OR11L1: variants seen among roughly 807,000 people sequenced by gnomAD.
The protein encoded by OR11L1 is olfactory receptor family 11 subfamily L member 1.
For synonymous variants in OR11L1, 164 were observed against 159.1 expected (o/e 1.03, Z -0.23); for missense variants, 397 against 392.7 (o/e 1.01, Z -0.09).
rs372016660 is a variant in OR11L1, at chr1:247,841,707, G to T, written c.190C>A (p.Gln64Lys). 3 of 1,614,034 alleles carry T rather than the reference G, an allele frequency of 1.9e-6. No individual in the cohort carries two copies. In the African/African-American group the frequency reaches 4.0e-5, roughly 22 times the overall value. The change falls in exon 1 of 1, where the codon CAG becomes AAG. Residue 64 changes from glutamine to lysine, a missense_variant. By Grantham distance (53) the Gln-to-Lys change is moderately conservative. Coordinates refer to ENST00000355784, the MANE Select transcript of OR11L1 (RefSeq NM_001001959.1). ...RLHSPMYMFLQHLSFLEVWYT... is the reference protein window; with the variant it reads ...RLHSPMYMFLKHLSFLEVWYT... ...CAGACCTCCAGAAAGGAGAGATGCT[G>T]GAGGAACATGTACATAGGGGAGTGC...
rs760316344 is a variant in OR11L1, at chr1:247,841,493, A to C, written c.404T>G (p.Leu135Arg). Reference sequence around the variant, plus strand: ...CCTGGCACAGAGCCCACGATGCATGAGGAAGGGGTAGCGGAGTGGGCTGCA... The same window carrying C: ...CCTGGCACAGAGCCCACGATGCATGCGGAAGGGGTAGCGGAGTGGGCTGCA... ...AICSPLRYPFLMHRGLCARLV... is the reference protein window; with the variant it reads ...AICSPLRYPFRMHRGLCARLV... The change falls in exon 1 of 1, where the codon CTC becomes CGC. Residue 135 changes from leucine to arginine, a missense_variant. Leu to Arg is a moderately radical substitution (Grantham distance 102). Coordinates refer to ENST00000355784, the MANE Select transcript of OR11L1 (RefSeq NM_001001959.1). The C allele has an allele frequency of 6.2e-7, 1 of 1,614,174 alleles. No individual in the cohort carries two copies. The highest frequency in any genetic ancestry group is 8.5e-7 in the Non-Finnish European group (1 of 1,180,020).
At position 247,841,666 on chromosome 1, in the gene OR11L1, A is replaced by G. The variant is rs773572668; in HGVS notation, c.231T>C (p.Thr77=). 1.9e-6 allele frequency: 3 copies of G among 1,614,098 alleles called. No individual in the cohort carries two copies. In the African/African-American group the frequency reaches 4.0e-5, roughly 22 times the overall value. ...GCAGGTTGGCTAGGAGAAGGGGCAC[A>G]GTGGTGGACGTGTACCAGACCTCCA... ...SFLEVWYTST[T]VPLLLANLLS... Residue 77 remains threonine, a synonymous_variant, in exon 1 of 1, where the codon ACT becomes ACC. Coordinates refer to ENST00000355784, the MANE Select transcript of OR11L1 (RefSeq NM_001001959.1).
chr1:247,841,649 G>T lies in OR11L1; in HGVS notation c.248C>A (p.Ala83Asp). 1.2e-6 allele frequency: 2 copies of T among 1,614,202 alleles called. No individual in the cohort carries two copies. Among genetic ancestry groups the T allele is most frequent in the South Asian group, 2.2e-5 (2 of 91,082 alleles). ...YTSTTVPLLL[A>D]NLLSWGQAIS... ...GGCTTGGCCCCAGGACAGCAGGTTGGCTAGGAGAAGGGGCACAGTGGTGGA... is the reference window on the plus strand; with the variant it reads ...GGCTTGGCCCCAGGACAGCAGGTTGTCTAGGAGAAGGGGCACAGTGGTGGA... Residue 83 changes from alanine to aspartate, a missense_variant, in exon 1 of 1, where the codon GCC (alanine) becomes GAC (aspartate). Coordinates refer to ENST00000355784, the MANE Select transcript of OR11L1 (RefSeq NM_001001959.1).
rs1333819262 is a variant in OR11L1, at chr1:247,841,823, G to T, written c.74C>A (p.Ala25Asp). ...GAGCAGGAAAATGACAAAGAGCAGG[G>T]CCTGCCATTCAAGAAGGTTCTGGAA... Reference protein sequence around the residue: ...LGFQNLLEWQALLFVIFLLIY... With the variant: ...LGFQNLLEWQDLLFVIFLLIY... The change falls in exon 1 of 1, where the codon GCC becomes GAC. Residue 25 changes from alanine to aspartate, a missense_variant. Physicochemically the swap from Ala to Asp is moderately radical, Grantham distance 126. Coordinates refer to ENST00000355784, the MANE Select transcript of OR11L1 (RefSeq NM_001001959.1). 6.8e-6 allele frequency: 11 copies of T among 1,614,060 alleles called. No individual in the cohort carries two copies. In the South Asian group the frequency reaches 1.2e-4, roughly 18 times the overall value.
Position 247,841,648 on chromosome 1 carries a change from G to C in OR11L1, c.249C>G (p.Ala83=), listed in dbSNP as rs776326855. The C allele has an allele frequency of 1.2e-6, 2 of 1,614,084 alleles. No homozygotes were observed. The highest frequency in any genetic ancestry group is 1.7e-6 in the Non-Finnish European group (2 of 1,180,038). Residue 83 remains alanine, a synonymous_variant, in exon 1 of 1, where the codon GCC becomes GCG. Coordinates refer to ENST00000355784, the MANE Select transcript of OR11L1 (RefSeq NM_001001959.1). ...YTSTTVPLLL[A]NLLSWGQAIS... ...TGGCTTGGCCCCAGGACAGCAGGTTGGCTAGGAGAAGGGGCACAGTGGTGG... is the reference window on the plus strand; with the variant it reads ...TGGCTTGGCCCCAGGACAGCAGGTTCGCTAGGAGAAGGGGCACAGTGGTGG...
rs1013478261 is a variant in OR11L1, at chr1:247,841,180, G to T, written c.717C>A (p.Ser239=). The change falls in exon 1 of 1, where the codon TCC becomes TCA. Residue 239 remains serine (S), a synonymous_variant. Transcript: ENST00000355784. ...CAACAGCCAGGTGGGAGCCACATGT[G>T]GAAAAGGTCTTTCTCCGGCCAGAGG... ...PSTSGRRKTF[S]TCGSHLAVVT... The T allele has an allele frequency of 8.1e-6, 13 of 1,614,160 alleles. No individual in the cohort carries two copies. Among genetic ancestry groups the T allele is most frequent in the Non-Finnish European group, 1.1e-5 (13 of 1,180,038 alleles).
rs755189929 is a variant in OR11L1, at chr1:247,841,530, A to C, written c.367T>G (p.Tyr123Asp). 1 of 1,614,084 alleles carries C rather than the reference A, an allele frequency of 6.2e-7. No individual in the cohort carries two copies. Among genetic ancestry groups the C allele is most frequent in the South Asian group, 1.1e-5 (1 of 91,072 alleles). ...CGGAGTGGGCTGCAGATGGCCAGGT[A>C]ACGGTCATAGGCCATGAAGGCCAGG... is the stretch of plus-strand genomic sequence containing the variant. Reference protein sequence around the residue: ...FLLAFMAYDRYLAICSPLRYP... With the variant: ...FLLAFMAYDRDLAICSPLRYP... The change falls in exon 1 of 1, where the codon TAC becomes GAC. Residue 123 changes from tyrosine to aspartate, a missense_variant. Tyr to Asp is a radical substitution (Grantham distance 160). Transcript: ENST00000355784.
rs570469821 is a variant in OR11L1 at position 247,841,865 on chromosome 1, T to A, written c.32A>T (p.Asn11Ile). MEPQNTSTVT[N>I]FQLLGFQNLL... ...GTTCTGGAATCCTAACAGCTGAAAG[T>A]TAGTCACAGTGGAGGTATTTTGGGG... The change falls in exon 1 of 1, where the codon AAC becomes ATC. Residue 11 changes from asparagine (N) to isoleucine (I), a missense_variant. Coordinates refer to ENST00000355784, the MANE Select transcript of OR11L1 (RefSeq NM_001001959.1). 4.3e-6 allele frequency: 7 copies of A among 1,613,614 alleles called. No individual in the cohort carries two copies. The South Asian group carries it at 7.7e-5, about 18-fold the overall frequency.
chr1:247,840,956 C>T lies in OR11L1; in HGVS notation c.941G>A (p.Ser314Asn). 1 of 1,612,800 alleles carries T rather than the reference C, an allele frequency of 6.2e-7. No homozygotes were observed. Among genetic ancestry groups the T allele is most frequent in the Non-Finnish European group, 8.5e-7 (1 of 1,179,152 alleles). The stretch of plus-strand genomic sequence containing the variant: ...ATAAAGGAACTTCCTTTTACTTGTA[C>T]TCCATAGAATACCACATTTCCTTCT... ...VMRRKCGILW[S>N]TSKRKFLY The change falls in exon 1 of 1, where the codon AGT becomes AAT. Residue 314 changes from serine to asparagine, a missense_variant. Ser to Asn is a conservative substitution (Grantham distance 46). Coordinates refer to ENST00000355784, the MANE Select transcript of OR11L1 (RefSeq NM_001001959.1).
rs373451280 is a variant in OR11L1, at chr1:247,841,771, A to T, written c.126T>A (p.Asn42Lys). 1 of 1,614,050 alleles carries T rather than the reference A, an allele frequency of 6.2e-7. No homozygotes were observed. Among genetic ancestry groups the T allele is most frequent in the African/African-American group, 1.3e-5 (1 of 74,926 alleles). Residue 42 changes from asparagine (N) to lysine (K), a missense_variant, in exon 1 of 1, where the codon AAT becomes AAA. Physicochemically the swap from Asn to Lys is moderately conservative, Grantham distance 94. Transcript: ENST00000355784. Reference protein sequence around the residue: ...LLIYCLTIIGNVVIITVVSQG... With the variant: ...LLIYCLTIIGKVVIITVVSQG... ...GGCTCACCACGGTGATGATGACAAC[A>T]TTCCCTATAATGGTCAGGCAGTAGA...
Position 247,841,018 on chromosome 1 carries a change from C to A in OR11L1, c.879G>T (p.Arg293Ser), listed in dbSNP as rs1444837704. Residue 293 changes from arginine to serine, a missense_variant, in exon 1 of 1, where the codon AGG becomes AGT. By Grantham distance (110) the Arg-to-Ser change is moderately radical. Transcript: ENST00000355784. ...TAACAGCTTCTTTGAAGTCTTTGTT[C>A]CTCAAGCTGTAGATAACTGGGTTCA... is the stretch of plus-strand genomic sequence containing the variant. Reference protein sequence around the residue: ...PLLNPVIYSLRNKDFKEAVRK... With the variant: ...PLLNPVIYSLSNKDFKEAVRK... 2 of 1,614,154 alleles carry A rather than the reference C, an allele frequency of 1.2e-6. No individual in the cohort carries two copies. Among genetic ancestry groups the A allele is most frequent in the South Asian group, 1.1e-5 (1 of 91,072 alleles).
chr1:247,841,809 T>C lies in OR11L1; in HGVS notation c.88A>G (p.Ile30Val). Residue 30 changes from isoleucine (I) to valine (V), a missense_variant, in exon 1 of 1, where the codon ATT becomes GTT. By Grantham distance (29) the Ile-to-Val change is conservative. Coordinates refer to ENST00000355784, the MANE Select transcript of OR11L1 (RefSeq NM_001001959.1). ...LLEWQALLFV[I>V]FLLIYCLTII... ...GTCAGGCAGTAGATGAGCAGGAAAA[T>C]GACAAAGAGCAGGGCCTGCCATTCA... 1 of 1,613,690 alleles carries C rather than the reference T, an allele frequency of 6.2e-7. No individual in the cohort carries two copies. Among genetic ancestry groups the C allele is most frequent in the East Asian group, 2.2e-5 (1 of 44,852 alleles).
rs145858895 is a variant in OR11L1 at position 247,841,566 on chromosome 1, C to T, written c.331G>A (p.Glu111Lys). ...LYFFVFLGAT[E>K]CFLLAFMAYD... ...GCCATGAAGGCCAGGAGAAAGCACT[C>T]GGTGGCGCCGAGGAATACGAAGAAG... Residue 111 changes from glutamate (E) to lysine (K), a missense_variant, in exon 1 of 1, where the codon GAG becomes AAG. Coordinates refer to ENST00000355784, the MANE Select transcript of OR11L1 (RefSeq NM_001001959.1). 37 of 1,613,896 alleles carry T rather than the reference C, an allele frequency of 2.3e-5. No homozygotes were observed. Among genetic ancestry groups the T allele is most frequent in the African/African-American group, 8.0e-5 (6 of 75,022 alleles).
Position 247,841,350 on chromosome 1 carries a change from G to T in OR11L1, c.547C>A (p.Pro183Thr). 2 of 1,614,078 alleles carry T rather than the reference G, an allele frequency of 1.2e-6. No individual in the cohort carries two copies. The highest frequency in any genetic ancestry group is 1.7e-6 in the Non-Finnish European group (2 of 1,179,914). Residue 183 changes from proline (P) to threonine (T), a missense_variant, in exon 1 of 1, where the codon CCA (proline) becomes ACA (threonine). Pro to Thr is a conservative substitution (Grantham distance 38). Transcript: ENST00000355784. The stretch of plus-strand genomic sequence containing the variant: ...CTGGAACAGGAGAGCTGCATGAGTG[G>T]CGGGAGGTCGCAGAAGAAATGGTTA... Reference protein sequence around the residue: ...QINHFFCDLPPLMQLSCSRVY... With the variant: ...QINHFFCDLPTLMQLSCSRVY...
rs1179499752 is a variant in OR11L1 at position 247,840,982 on chromosome 1, C to T, written c.915G>A (p.Met305Ile). ...KDFKEAVRKVMRRKCGILWST... is the reference protein window; with the variant it reads ...KDFKEAVRKVIRRKCGILWST... ...TCCATAGAATACCACATTTCCTTCT[C>T]ATGACCTTTCTAACAGCTTCTTTGA... The change falls in exon 1 of 1, where the codon ATG becomes ATA. Residue 305 changes from methionine (M) to isoleucine (I), a missense_variant. Transcript: ENST00000355784. The T allele has an allele frequency of 6.2e-7, 1 of 1,614,158 alleles. No individual in the cohort carries two copies. The highest frequency in any genetic ancestry group is 1.1e-5 in the South Asian group (1 of 91,072).
In OR11L1 at chr1:247,841,015, G is replaced by GT; in HGVS notation, c.881dup (p.Asn294LysfsTer9). 1 of 1,614,098 alleles carries GT rather than the reference G, an allele frequency of 6.2e-7. No individual in the cohort carries two copies. Among genetic ancestry groups the GT allele is most frequent in the South Asian group, 1.1e-5 (1 of 91,082 alleles). ...TTCTAACAGCTTCTTTGAAGTCTTTGTTCCTCAAGCTGTAGATAACTGGGT... is the reference window on the plus strand; with the variant it reads ...TTCTAACAGCTTCTTTGAAGTCTTTGTTTCCTCAAGCTGTAGATAACTGGGT... On this transcript the variant is annotated frameshift_variant, in exon 1 of 1. Coordinates refer to ENST00000355784, the MANE Select transcript of OR11L1 (RefSeq NM_001001959.1). LOFTEE classifies it low-confidence loss of function (END_TRUNC).
chr1:247,841,760 A>T lies in OR11L1; in HGVS notation c.137T>A (p.Ile46Asn). The change falls in exon 1 of 1, where the codon ATC becomes AAC. Residue 46 changes from isoleucine (I) to asparagine (N), a missense_variant. By Grantham distance (149) the Ile-to-Asn change is moderately radical. Transcript: ENST00000355784. ...TCGCAGGCCCTGGCTCACCACGGTG[A>T]TGATGACAACATTCCCTATAATGGT... is the stretch of plus-strand genomic sequence containing the variant. ...CLTIIGNVVI[I>N]TVVSQGLRLH... 6.2e-7 allele frequency: 1 copy of T among 1,614,202 alleles called. No homozygotes were observed. Among genetic ancestry groups the T allele is most frequent in the Non-Finnish European group, 8.5e-7 (1 of 1,180,032 alleles).
In OR11L1 at chr1:247,841,666, A is replaced by C. The variant is rs773572668; in HGVS notation, c.231T>G (p.Thr77=). ...SFLEVWYTST[T]VPLLLANLLS... is the part of the protein sequence containing the mutation. ...GCAGGTTGGCTAGGAGAAGGGGCAC[A>C]GTGGTGGACGTGTACCAGACCTCCA... Residue 77 remains threonine (T), a synonymous_variant, in exon 1 of 1, where the codon ACT becomes ACG. Coordinates refer to ENST00000355784, the MANE Select transcript of OR11L1 (RefSeq NM_001001959.1). 1.3e-5 allele frequency: 21 copies of C among 1,614,098 alleles called. No individual in the cohort carries two copies. The African/African-American group carries it at 1.6e-4, about 12-fold the overall frequency.
Position 247,841,862 on chromosome 1 carries a change from AAGTT to A in OR11L1, c.31_34del (p.Asn11PhefsTer4). 6.2e-7 allele frequency: 1 copy of A among 1,613,812 alleles called. No individual in the cohort carries two copies. Among genetic ancestry groups the A allele is most frequent in the South Asian group, 1.1e-5 (1 of 91,018 alleles). On this transcript the variant is annotated frameshift_variant, in exon 1 of 1. Coordinates refer to ENST00000355784, the MANE Select transcript of OR11L1 (RefSeq NM_001001959.1). LOFTEE classifies it low-confidence loss of function (END_TRUNC). ...AAGGTTCTGGAATCCTAACAGCTGA[AAGTT>A]AGTCACAGTGGAGGTATTTTGGGGC... is the stretch of plus-strand genomic sequence containing the variant.
Sources: gnomAD v4.1 joint callset for allele counts on GRCh38, gnomAD v4.1.1 for gene constraint, MANE v1.5 for transcripts, NCBI Gene and HGNC (gene_info 2026-07-23, HGNC 2026-07-21) for gene names.